The following EXOSC1 variants were observed in gnomAD, a reference collection of about 807,000 sequenced individuals.
EXOSC1 encodes the protein exosome component 1.
In EXOSC1, 27 loss-of-function variants were observed where a neutral mutation model predicts 31.4. That is an observed-to-expected ratio of 0.86 (90% confidence interval 0.63 to 1.18). EXOSC1 has a LOEUF of 1.18. Ranked by LOEUF, EXOSC1 falls within the 50% of genes most tolerant of loss-of-function variation. The probability of loss-of-function intolerance (pLI) is 0.00; values close to 1 mark genes in which losing one functional copy is unlikely to be tolerated. For missense variants in EXOSC1, 228 were observed against 250.3 expected, an observed-to-expected ratio of 0.91 and a Z score of 0.60; for synonymous variants, 84 against 89.5, an observed-to-expected ratio of 0.94 and a Z score of 0.35.
chr10:97,442,983 GC>G (rs1301555759), intron 3 of EXOSC1, among the ~76,000 whole-genome samples: 1 of 152,084 alleles, frequency 6.6e-6, no homozygotes, highest in African/African-American at 2.4e-5. Context: ...GAGCCACCAT[GC>G]CCGGCAATTT....
intron 4 of EXOSC1, 77 bp downstream of exon 4, chr10:97,441,094 G>T: frequency 1.7e-6 from 2 of 1,174,214 alleles, no homozygotes; most frequent in African/African-American, 1.5e-5. Flanking sequence ...TGTAACTGTT[G>T]CTCAAAATTC....
intron 2 of EXOSC1, 101 bp from the exon 3 acceptor site, chr10:97,443,412 A>G: frequency 9.9e-7 from 1 of 1,012,214 alleles, no homozygotes; most frequent in Non-Finnish European, 1.5e-6. Flanking sequence ...TATAAAGGTG[A>G]GAGTTGGAGT....
At chr10:97,437,634 C>T in intron 6 of EXOSC1, 66 bp downstream of exon 6, 1 of 1,495,156 alleles carries the variant, frequency 6.7e-7, no homozygotes, top group South Asian at 1.1e-5. Flanking sequence ...AGGCATGAGC[C>T]ACCACACCCG....
At position 97,443,321 on chromosome 10, in the gene EXOSC1, G is replaced by C; in HGVS notation, c.148-10C>G. The stretch of plus-strand genomic sequence containing the variant: ...CAGACACCACTGGAAGCTACAGAGG[G>C]AACAACAAAAAACTGAAATGTCCTG... On this transcript the variant is annotated splice_polypyrimidine_tract_variant and intron_variant, in intron 2 of 7. Transcript: ENST00000370902. The C allele has an allele frequency of 6.2e-7, 1 of 1,611,322 alleles. No homozygotes were observed. Among genetic ancestry groups the C allele is most frequent in the Non-Finnish European group, 8.5e-7 (1 of 1,179,036 alleles).
chr10:97,442,746 C>T (rs569051047), intron 3 of EXOSC1, among the ~76,000 whole-genome samples: 11 of 152,130 alleles, frequency 7.2e-5, no homozygotes, highest in South Asian at 4.2e-4. Flanking sequence ...ACTGCTGTGA[C>T]GCAGGCTCAC....
At chr10:97,441,939 G>A (rs1455281496) in intron 3 of EXOSC1, among the ~76,000 whole-genome samples, 2 of 150,492 alleles carry the variant, frequency 1.3e-5, no homozygotes, top group African/African-American at 4.9e-5. Flanking sequence ...CACTTTGGGA[G>A]GCTGAGGTGG....
rs751457559 is a variant in EXOSC1, at chr10:97,443,333, A to C, written c.148-22T>G. 2.5e-6 allele frequency: 4 copies of C among 1,609,184 alleles called. No homozygotes were observed. The South Asian group carries it at 4.4e-5, about 18-fold the overall frequency. ...GAAGCTACAGAGGGAACAACAAAAA[A>C]CTGAAATGTCCTGACTAACCCTTGG... On this transcript the variant is annotated intron_variant, in intron 2 of 7. Transcript: ENST00000370902.
intron 5 of EXOSC1, 132 bp from the exon 6 acceptor site, chr10:97,437,882 A>G: frequency 1.3e-6 from 1 of 745,964 alleles, no homozygotes; most frequent in East Asian, 2.8e-5. Flanking sequence ...ATGTCAAGTC[A>G]AGAACTTTTA....
At chr10:97,441,289 A>T in intron 3 of EXOSC1, 30 bp from the exon 4 acceptor site, 1 of 1,596,508 alleles carries the variant, frequency 6.3e-7, no homozygotes, top group Non-Finnish European at 8.6e-7. Context: ...TCAGCATCAG[A>T]GTATAAGCAG....
chr10:97,437,722 C>T lies in EXOSC1; in HGVS notation c.374G>A (p.Gly125Asp). Residue 125 changes from glycine (G) to aspartate (D), a missense_variant, in exon 6 of 8, where the codon GGT (glycine) becomes GAT (aspartate). Physicochemically the swap from Gly to Asp is moderately conservative, Grantham distance 94. Transcript: ENST00000370902. ...KVEIYKSFRP[G>D]DIVLAKVISL... ...TACCACTTTGGCCAAGACAATGTCACCTGGGCGGAAACTCTTATAAATTTC... is the reference window on the plus strand; with the variant it reads ...TACCACTTTGGCCAAGACAATGTCATCTGGGCGGAAACTCTTATAAATTTC... 2 of 1,613,430 alleles carry T rather than the reference C, an allele frequency of 1.2e-6. No homozygotes were observed. Among genetic ancestry groups the T allele is most frequent in the Non-Finnish European group, 1.7e-6 (2 of 1,179,598 alleles).
Position 97,438,120 on chromosome 10 carries a change from T to C in EXOSC1, c.346-370A>G, listed in dbSNP as rs1228521088. On this transcript the variant is annotated intron_variant, in intron 5 of 7. Transcript: ENST00000370902. ...TTTTAGTAGAGACGGGGTTTCACCA[T>C]GTTGGTCAGGCTGGTCTTGAACTCC... Among the ~76,000 whole-genome samples the C allele has an allele frequency of 2.6e-5, 4 of 152,196 alleles. No individual in the cohort carries two copies. In the East Asian group the frequency reaches 7.8e-4, roughly 30 times the overall value.
chr10:97,436,594 T>G, intron 7 of EXOSC1, 43 bp from the exon 8 acceptor site: 1 of 1,539,260 alleles, frequency 6.5e-7, no homozygotes, highest in South Asian at 1.3e-5. Context: ...CCCCAAAGAT[T>G]TGCCTGCGAC....
chr10:97,437,954 C>T (rs1845596517), intron 5 of EXOSC1, among the ~76,000 whole-genome samples: 1 of 152,036 alleles, frequency 6.6e-6, no homozygotes. Flanking sequence ...GAGTCTCGCT[C>T]TGTCGCCCAC....
chr10:97,442,632 C>T (rs1845753515), intron 3 of EXOSC1, among the ~76,000 whole-genome samples: 1 of 152,198 alleles, frequency 6.6e-6, no homozygotes, highest in African/African-American at 2.4e-5. Context: ...CTTCAGCCTC[C>T]CAAGTAGTTG....
At chr10:97,439,596 C>G (rs958628650) in intron 4 of EXOSC1, among the ~76,000 whole-genome samples, 1 of 152,104 alleles carries the variant, frequency 6.6e-6, no homozygotes, top group Non-Finnish European at 1.5e-5. Context: ...CCCGCTGATT[C>G]TATATTATGG....
intron 2 of EXOSC1, 73 bp downstream of exon 2, chr10:97,445,659 C>T (rs989605642): frequency 2.1e-5 from 29 of 1,413,536 alleles, no homozygotes; most frequent in Non-Finnish European, 2.4e-5. Flanking sequence ...CCGCAGTGCC[C>T]ATGCCTAAGG....
chr10:97,437,886 A>C (rs2133143557), intron 5 of EXOSC1, 136 bp from the exon 6 acceptor site: 1 of 724,700 alleles, frequency 1.4e-6, no homozygotes, highest in Non-Finnish European at 2.3e-6. Context: ...CAAGTCAAGA[A>C]CTTTTAATTG....
In EXOSC1 at chr10:97,438,710, A is replaced by G. The variant is rs763452165; in HGVS notation, c.312-7T>C. 1 of 1,603,874 alleles carries G rather than the reference A, an allele frequency of 6.2e-7. No individual in the cohort carries two copies. Among genetic ancestry groups the G allele is most frequent in the Non-Finnish European group, 8.5e-7 (1 of 1,175,892 alleles). On this transcript the variant is annotated splice_polypyrimidine_tract_variant and splice_region_variant and intron_variant, in intron 4 of 7. Coordinates refer to ENST00000370902, the MANE Select transcript of EXOSC1 (RefSeq NM_016046.5). ...TGCTCGGACATCTTCCTTGCTATAA[A>G]AAAAGAATTAACAGAAAGATTAATT...
chr10:97,436,295 C>A lies in EXOSC1; in HGVS notation c.*150G>T. ...AGAGAATGAAATCCACTGATAGGTT[C>A]ACAGAAACATGTTCCATCTACAGCG... On this transcript the variant is annotated 3_prime_UTR_variant, in exon 8 of 8. Transcript: ENST00000370902. 1.6e-6 allele frequency: 1 copy of A among 627,734 alleles called. No homozygotes were observed. 38.9% of individuals were successfully genotyped at this position (627,734 alleles called of 1,614,324 possible).
Sources: gnomAD v4.1 joint callset for allele counts (sites outside exome capture counted in the v4.1 genomes callset) on GRCh38, gnomAD v4.1.1 for gene constraint, MANE v1.5 for transcripts, NCBI Gene and HGNC (gene_info 2026-07-23, HGNC 2026-07-21) for gene names.